RORA: variants seen among roughly 807,000 people sequenced by gnomAD.
The protein encoded by RORA is nuclear receptor ROR-alpha.
In RORA, 7 loss-of-function variants were observed where a neutral mutation model predicts 69.5. The ratio of observed to expected loss-of-function variants is 0.10; its 90% CI spans 0.06 to 0.19. RORA has a LOEUF of 0.19. RORA is among the 10% of genes least tolerant of loss of function. The pLI, the probability that RORA is intolerant of heterozygous loss-of-function variation, is 1.00. For missense variants in RORA, 457 were observed against 663.0 expected (o/e 0.69, Z 3.41); for synonymous variants, 261 against 240.8 (o/e 1.08, Z -0.78).
chr15:61,033,855 G>T (rs192267078), intron 1 of RORA, among the ~76,000 whole-genome samples: 1 of 152,024 alleles, frequency 6.6e-6, no homozygotes, highest in Admixed American at 6.5e-5. Flanking sequence ...GATTCCTTGA[G>T]CCCAGAACTT....
chr15:61,050,763 T>A (rs1460160707), intron 1 of RORA, among the ~76,000 whole-genome samples: 1 of 152,214 alleles, frequency 6.6e-6, no homozygotes, highest in Non-Finnish European at 1.5e-5. Flanking sequence ...CCAGGCACCA[T>A]CCCAGTTGCT....
At chr15:61,201,937 G>A (rs573477815) in intron 1 of RORA, among the ~76,000 whole-genome samples, 2 of 151,556 alleles carry the variant, frequency 1.3e-5, no homozygotes, top group African/African-American at 4.8e-5. Flanking sequence ...TATTAGATTC[G>A]ATGTAATATC....
rs909915063 is a variant in RORA at position 61,033,408 on chromosome 15, G to T, written c.166+195645C>A. 4.3e-3 allele frequency among the ~76,000 whole-genome samples: 155 copies of T among 36,096 alleles called. 1 individual carries two copies. Among genetic ancestry groups the T allele is most frequent in the African/African-American group, 0.011 (151 of 14,082 alleles). 23.7% of individuals were successfully genotyped at this position (36,096 alleles called of 152,430 possible). On this transcript the variant is annotated intron_variant, in intron 1 of 10. Transcript: ENST00000335670. Reference sequence around the variant, plus strand: ...AGCCCCAAATTTATAGCTTTATTCTGAAAAAAAAAACAAAAACCAGTTTTG... The same window carrying T: ...AGCCCCAAATTTATAGCTTTATTCTTAAAAAAAAAACAAAAACCAGTTTTG...
intron 1 of RORA, among the ~76,000 whole-genome samples, chr15:61,076,521 T>C (rs2140634250): frequency 6.6e-6 from 1 of 152,370 alleles, no homozygotes; most frequent in East Asian, 1.9e-4. Context: ...TTAATTCATG[T>C]AGACATGCAT....
At chr15:60,578,779 T>G (rs1433941584) in intron 2 of RORA, among the ~76,000 whole-genome samples, 4 of 151,898 alleles carry the variant, frequency 2.6e-5, no homozygotes, top group African/African-American at 9.7e-5. Context: ...TTTTTTTTTT[T>G]TTGAGACAGA....
At chr15:61,227,175 A>G (rs890099984) in intron 1 of RORA, among the ~76,000 whole-genome samples, 3 of 147,694 alleles carry the variant, frequency 2.0e-5, no homozygotes, top group Admixed American at 6.9e-5. Flanking sequence ...ACCAAAAATT[A>G]GTGCAGCTTC....
chr15:60,815,809 T>G (rs1167375770), intron 1 of RORA, among the ~76,000 whole-genome samples: 1 of 150,990 alleles, frequency 6.6e-6, no homozygotes, highest in Admixed American at 6.6e-5. Context: ...AAAAAAAATT[T>G]TATATTTCAT....
At chr15:61,179,366 A>C (rs1165592999) in intron 1 of RORA, among the ~76,000 whole-genome samples, 3 of 152,252 alleles carry the variant, frequency 2.0e-5, no homozygotes, top group Non-Finnish European at 2.9e-5. Flanking sequence ...GTTTTCTATT[A>C]AGCCAGACAT....
intron 2 of RORA, among the ~76,000 whole-genome samples, chr15:60,629,184 A>ATTTTTTTT (rs2069670023): frequency 1.4e-5 from 1 of 70,284 alleles, no homozygotes; most frequent in African/African-American, 7.1e-5. Flanking sequence ...TTGACTGTTT[A>ATTTTTTTT]TTCTTTTTTT....
intron 2 of RORA, among the ~76,000 whole-genome samples, chr15:60,540,433 A>G (rs1216605458): frequency 6.6e-6 from 1 of 152,056 alleles, no homozygotes; most frequent in Non-Finnish European, 1.5e-5. Flanking sequence ...ATTACCCCCA[A>G]CATTCTCACA....
chr15:60,883,553 T>A (rs922394734), intron 1 of RORA, among the ~76,000 whole-genome samples: 54 of 152,204 alleles, frequency 3.5e-4, no homozygotes, highest in African/African-American at 1.2e-3. Context: ...TCCTTCTGCA[T>A]CCCTGGTATC....
intron 1 of RORA, among the ~76,000 whole-genome samples, chr15:61,060,340 A>G (rs898717329): frequency 6.6e-6 from 1 of 151,886 alleles, no homozygotes; most frequent in Non-Finnish European, 1.5e-5. Context: ...CCTTCCTTCC[A>G]CTACTCATTC....
At chr15:61,053,994 A>C (rs2140512705) in intron 1 of RORA, among the ~76,000 whole-genome samples, 1 of 151,876 alleles carries the variant, frequency 6.6e-6, no homozygotes, top group East Asian at 1.9e-4. Context: ...ATCCTTTCAA[A>C]GTAAATAAAG....
intron 1 of RORA, among the ~76,000 whole-genome samples, chr15:60,983,033 G>A (rs1894094165): frequency 6.6e-6 from 1 of 152,070 alleles, no homozygotes; most frequent in South Asian, 2.1e-4. Context: ...TGGGGGTTGG[G>A]GGTTTCTAGG....
At chr15:61,199,319 C>A (rs2079874478) in intron 1 of RORA, among the ~76,000 whole-genome samples, 1 of 152,012 alleles carries the variant, frequency 6.6e-6, no homozygotes, top group Non-Finnish European at 1.5e-5. Context: ...TGGAACAAAG[C>A]AGATATTCAA....
In RORA at chr15:60,567,413, A is replaced by T. The variant is rs551050420; in HGVS notation, c.197-35562T>A. On this transcript the variant is annotated intron_variant, in intron 2 of 10. Transcript: ENST00000335670. ...TATTATCATTATTATTATTATTATT[A>T]TTATTTTTTTTTTTCTGAGACTGAG... Among the ~76,000 whole-genome samples, 1,191 of 147,394 alleles carry T rather than the reference A, an allele frequency of 8.1e-3. 13 individuals carry two copies. The highest frequency in any genetic ancestry group is 0.027 in the African/African-American group (1,066 of 39,564).
At chr15:60,570,733 G>A (rs1255255754) in intron 2 of RORA, among the ~76,000 whole-genome samples, 1 of 152,240 alleles carries the variant, frequency 6.6e-6, no homozygotes, top group Admixed American at 6.5e-5. Flanking sequence ...CCTGACACAG[G>A]TGCCGTCATA....
intron 1 of RORA, among the ~76,000 whole-genome samples, chr15:60,759,322 T>A (rs1333098667): frequency 6.6e-6 from 1 of 152,230 alleles, no homozygotes; most frequent in African/African-American, 2.4e-5. Context: ...CATAGCTTTG[T>A]GCATTTCAAG....
intron 1 of RORA, among the ~76,000 whole-genome samples, chr15:60,788,668 T>G (rs2072374266): frequency 6.6e-6 from 1 of 152,122 alleles, no homozygotes; most frequent in Non-Finnish European, 1.5e-5. Context: ...CACACAGTCA[T>G]CAGCACCACG....
Sources: allele counts gnomAD v4.1 joint callset (sites outside exome capture counted in the v4.1 genomes callset), GRCh38; gene constraint gnomAD v4.1.1; transcripts MANE v1.5; gene names NCBI Gene and HGNC (gene_info 2026-07-23, HGNC 2026-07-21).